ZMYM2: variants seen among roughly 807,000 people sequenced by gnomAD.
The protein encoded by ZMYM2 is zinc finger MYM-type protein 2.
In ZMYM2, 56 loss-of-function variants were observed where a neutral mutation model predicts 162.8. The observed-to-expected ratio is 0.34, with a 90% CI of 0.28 to 0.43. The LOEUF (loss-of-function observed/expected upper bound fraction) is 0.43, where lower values mean the gene tolerates loss of function less well. ZMYM2 is among the 20% of genes least tolerant of loss of function. The probability of loss-of-function intolerance (pLI) is 1.00; values close to 1 mark genes in which losing one functional copy is unlikely to be tolerated. For synonymous variants in ZMYM2, 510 were observed against 541.6 expected, an observed-to-expected ratio of 0.94 and a Z score of 0.81; for missense variants, 1,275 against 1,621.8, an observed-to-expected ratio of 0.79 and a Z score of 3.67.
chr13:19,884,302 T>A, the ZMYM2 span, among the ~76,000 whole-genome samples: 1 of 152,126 alleles, frequency 6.6e-6, no homozygotes, highest in Non-Finnish European at 1.5e-5. Flanking sequence ...GGCGGGGTGC[T>A]GTGGCTGCCG....
intron 21 of ZMYM2, among the ~76,000 whole-genome samples, chr13:20,073,386 G>A (rs1957236731): frequency 1.3e-5 from 2 of 152,128 alleles, no homozygotes; most frequent in Non-Finnish European, 2.9e-5. Context: ...ACAATCCTTA[G>A]CTCATAGGTT....
At chr13:20,084,061 G>A (rs1239188073) in intron 24 of ZMYM2, among the ~76,000 whole-genome samples, 1 of 152,168 alleles carries the variant, frequency 6.6e-6, no homozygotes, top group African/African-American at 2.4e-5. Flanking sequence ...CGAGGCTGGA[G>A]TACAGTGGCA....
At chr13:20,061,284 T>A in intron 17 of ZMYM2, 60 bp downstream of exon 17, 3 of 1,557,762 alleles carry the variant, frequency 1.9e-6, no homozygotes, top group South Asian at 1.2e-5. Context: ...TTATAAGTAT[T>A]GTTACAGTAC....
rs748988991 is a variant in ZMYM2 at position 20,087,271 on chromosome 13, TA to T, written c.*1268del. On this transcript the variant is annotated 3_prime_UTR_variant, in exon 25 of 25. Coordinates refer to ENST00000610343, the MANE Select transcript of ZMYM2 (RefSeq NM_197968.4). ...AATTACTTCTTATAGAAGATTGCAT[TA>T]AAAAAAAAAACAACTTTGTGCTTCT... The T allele has an allele frequency of 8.3e-3, 1,412 of 169,428 alleles. 2 individuals carry two copies. Among genetic ancestry groups the T allele is most frequent in the Middle Eastern group, 0.023 (10 of 440 alleles). 10.5% of individuals were successfully genotyped at this position (169,428 alleles called of 1,614,324 possible). A position where few individuals can be genotyped will look rare whatever the true frequency, so the allele number is the denominator to read the frequency against.
intron 12 of ZMYM2, among the ~76,000 whole-genome samples, chr13:20,042,058 T>G (rs1429604152): frequency 6.6e-6 from 1 of 152,172 alleles, no homozygotes; most frequent in Non-Finnish European, 1.5e-5. Context: ...TTTTATGAAG[T>G]ATCATACTGG....
chr13:19,937,685 C>T, the ZMYM2 span, among the ~76,000 whole-genome samples: 295 of 150,858 alleles, frequency 2.0e-3, 1 homozygote, highest in African/African-American at 6.6e-3. Context: ...ATGTGCACAA[C>T]GTGCAGGTTT....
chr13:19,984,341 T>C (rs1311982457), intron 2 of ZMYM2, among the ~76,000 whole-genome samples: 1 of 152,232 alleles, frequency 6.6e-6, no homozygotes, highest in Non-Finnish European at 1.5e-5. Context: ...ATTTATAATG[T>C]GGAGTATCAC....
At chr13:20,024,833 A>G (rs1366845842) in intron 7 of ZMYM2, 3 of 215,328 alleles carry the variant, frequency 1.4e-5, no homozygotes, top group African/African-American at 4.5e-5. Flanking sequence ...AGGAGGACCT[A>G]TCATTAAAGA....
At chr13:20,034,427 TTCATAACATTTATTGA>T in intron 11 of ZMYM2, 23 bp downstream of exon 11, 1 of 1,483,654 alleles carries the variant, frequency 6.7e-7, no homozygotes, top group Non-Finnish European at 9.0e-7. Context: ...TACAGTGTTG[TTCATAACATTTATTGA>T]TATTTAATGT....
intron 14 of ZMYM2, among the ~76,000 whole-genome samples, chr13:20,053,101 A>G (rs1046776106): frequency 1.3e-5 from 2 of 152,238 alleles, no homozygotes; most frequent in African/African-American, 4.8e-5. Flanking sequence ...ACTACTAAAG[A>G]TAAGAGGCAG....
chr13:19,911,709 T>C, the ZMYM2 span, among the ~76,000 whole-genome samples: 1 of 152,176 alleles, frequency 6.6e-6, no homozygotes, highest in East Asian at 1.9e-4. Flanking sequence ...CATTTGATGG[T>C]TCTTCCCCTA....
intron 9 of ZMYM2, among the ~76,000 whole-genome samples, chr13:20,028,620 T>C (rs1422327235): frequency 1.3e-5 from 2 of 152,186 alleles, no homozygotes; most frequent in Non-Finnish European, 2.9e-5. Context: ...CCAAATCCCT[T>C]ATATAATATG....
In ZMYM2 at chr13:20,052,266, G is replaced by T. The variant is rs1366082287; in HGVS notation, c.2459-11G>T. The T allele has an allele frequency of 1.9e-6, 3 of 1,550,256 alleles. No homozygotes were observed. Among genetic ancestry groups the T allele is most frequent in the Non-Finnish European group, 1.7e-6 (2 of 1,146,086 alleles). On this transcript the variant is annotated splice_polypyrimidine_tract_variant and intron_variant, in intron 13 of 24. Coordinates refer to ENST00000610343, the MANE Select transcript of ZMYM2 (RefSeq NM_197968.4). ...TATTTGTCTTATTTTAAATTTTTTT[G>T]TGTTTTTTAGATCAGGGTTGTCAGA...
chr13:19,966,291 C>G (rs375454943), intron 2 of ZMYM2, among the ~76,000 whole-genome samples: 1 of 151,790 alleles, frequency 6.6e-6, no homozygotes, highest in Non-Finnish European at 1.5e-5. Flanking sequence ...TGAGCCGCCA[C>G]GCCTGGCTAA....
At chr13:20,079,541 A>G (rs1282152366) in intron 21 of ZMYM2, among the ~76,000 whole-genome samples, 1 of 152,102 alleles carries the variant, frequency 6.6e-6, no homozygotes, top group African/African-American at 2.4e-5. Flanking sequence ...TTTGGTGCTA[A>G]GGGAGCCATA....
At chr13:20,006,697 T>G in intron 6 of ZMYM2, 111 bp downstream of exon 6, 1 of 1,098,502 alleles carries the variant, frequency 9.1e-7, no homozygotes, top group Non-Finnish European at 1.3e-6. Context: ...GAATTTCATT[T>G]AATTCCATTA....
intron 12 of ZMYM2, among the ~76,000 whole-genome samples, chr13:20,046,370 G>A (rs910821664): frequency 4.0e-5 from 6 of 151,442 alleles, no homozygotes; most frequent in African/African-American, 1.5e-4. Flanking sequence ...AATACAGCAA[G>A]ACCCCATCTC....
At chr13:19,937,168 A>AAGAT in the ZMYM2 span, among the ~76,000 whole-genome samples, 2 of 149,524 alleles carry the variant, frequency 1.3e-5, no homozygotes, top group African/African-American at 4.9e-5. Context: ...TTTTTTTCTT[A>AAGAT]AGATAGTTTT....
chr13:19,935,987 G>T, the ZMYM2 span, among the ~76,000 whole-genome samples: 3 of 152,154 alleles, frequency 2.0e-5, no homozygotes, highest in African/African-American at 7.2e-5. Context: ...AGTAATCATA[G>T]GAGCGTTTCA....
Sources: allele counts gnomAD v4.1 joint callset (sites outside exome capture counted in the v4.1 genomes callset), GRCh38; gene constraint gnomAD v4.1.1; transcripts MANE v1.5; gene names NCBI Gene and HGNC (gene_info 2026-07-23, HGNC 2026-07-21).